Variants in MARCHF11 observed in about 807,000 individuals in gnomAD.
The protein encoded by MARCHF11 is E3 ubiquitin-protein ligase MARCHF11.
A neutral mutation model predicts 37.3 loss-of-function variants in MARCHF11; 29 were observed. That is an observed-to-expected ratio of 0.78 (90% CI 0.58 to 1.06). The LOEUF is 1.06. Ranked by LOEUF, MARCHF11 falls within the 50% of genes least tolerant of loss-of-function variation. The pLI is 0.00. For synonymous variants in MARCHF11, 233 were observed against 228.0 expected, an observed-to-expected ratio of 1.02 and a Z score of -0.20; for missense variants, 482 against 533.4, an observed-to-expected ratio of 0.90 and a Z score of 0.95.
At chr5:16,093,592 G>T (rs1736818829) in intron 2 of MARCHF11, among the ~76,000 whole-genome samples, 1 of 152,158 alleles carries the variant, frequency 6.6e-6, no homozygotes, top group Admixed American at 6.5e-5. Flanking sequence ...GACACATGAG[G>T]TGTGGCTGCT....
chr5:16,082,794 A>G (rs1228420682), intron 3 of MARCHF11, among the ~76,000 whole-genome samples: 2 of 152,188 alleles, frequency 1.3e-5, no homozygotes, highest in Non-Finnish European at 2.9e-5. Flanking sequence ...CACGTGCCCC[A>G]TGATTTATGC....
chr5:16,148,426 G>A (rs1016997917), intron 2 of MARCHF11, among the ~76,000 whole-genome samples: 1 of 152,026 alleles, frequency 6.6e-6, no homozygotes, highest in South Asian at 2.1e-4. Context: ...ACTAACATCT[G>A]GCAATCTTTC....
chr5:16,119,819 C>T (rs1037910435), intron 2 of MARCHF11, among the ~76,000 whole-genome samples: 2 of 152,190 alleles, frequency 1.3e-5, no homozygotes, highest in African/African-American at 4.8e-5. Flanking sequence ...TTTATTATTT[C>T]TATTTATAGT....
chr5:16,168,516 T>G (rs561987389), intron 2 of MARCHF11, among the ~76,000 whole-genome samples: 1 of 152,278 alleles, frequency 6.6e-6, no homozygotes, highest in African/African-American at 2.4e-5. Flanking sequence ...GAGACCACTG[T>G]GAAAGCAAAG....
intron 2 of MARCHF11, among the ~76,000 whole-genome samples, chr5:16,102,986 A>G (rs1579382740): frequency 6.6e-6 from 1 of 152,326 alleles, no homozygotes; most frequent in East Asian, 1.9e-4. Context: ...ATGTAAAAAT[A>G]CATATGGAAT....
At chr5:16,134,837 G>A (rs72738275) in intron 2 of MARCHF11, among the ~76,000 whole-genome samples, 24,709 of 151,970 alleles carry the variant, frequency 0.16, 2,193 homozygotes, top group East Asian at 0.3. Flanking sequence ...ATAATACAAA[G>A]AGAAAACTTG....
chr5:16,126,833 A>G (rs945195360), intron 2 of MARCHF11, among the ~76,000 whole-genome samples: 1 of 152,228 alleles, frequency 6.6e-6, no homozygotes, highest in African/African-American at 2.4e-5. Flanking sequence ...CGGTATTTTC[A>G]AAAGCTCTGC....
intron 3 of MARCHF11, among the ~76,000 whole-genome samples, chr5:16,078,221 T>G (rs891107345): frequency 6.6e-6 from 1 of 152,172 alleles, no homozygotes; most frequent in South Asian, 2.1e-4. Flanking sequence ...TCACCATCTG[T>G]TTGATCTTGG....
intron 2 of MARCHF11, among the ~76,000 whole-genome samples, chr5:16,154,901 G>A (rs1737943350): frequency 6.6e-6 from 1 of 151,888 alleles, no homozygotes; most frequent in Non-Finnish European, 1.5e-5. Flanking sequence ...GCTCATACCA[G>A]CACACTGTTG....
At chr5:16,138,571 C>T (rs965326897) in intron 2 of MARCHF11, among the ~76,000 whole-genome samples, 14 of 152,230 alleles carry the variant, frequency 9.2e-5, no homozygotes, top group Admixed American at 5.2e-4. Context: ...CTGGTGGAGC[C>T]GTGAGAAGAG....
At chr5:16,150,695 T>C (rs949508065) in intron 2 of MARCHF11, among the ~76,000 whole-genome samples, 7 of 152,042 alleles carry the variant, frequency 4.6e-5, no homozygotes, top group Non-Finnish European at 1.0e-4. Context: ...TCCACCTCTA[T>C]TCCCTATACC....
chr5:16,120,340 C>A (rs1737290825), intron 2 of MARCHF11, among the ~76,000 whole-genome samples: 1 of 152,182 alleles, frequency 6.6e-6, no homozygotes, highest in Non-Finnish European at 1.5e-5. Context: ...TTCTCACCCG[C>A]TTCATGGCTA....
At chr5:16,096,370 T>C (rs1736868396) in intron 2 of MARCHF11, among the ~76,000 whole-genome samples, 1 of 152,220 alleles carries the variant, frequency 6.6e-6, no homozygotes, top group Non-Finnish European at 1.5e-5. Flanking sequence ...TTAATTTTAA[T>C]GAAATTTTGG....
chr5:16,108,652 A>G (rs116581640), intron 2 of MARCHF11, among the ~76,000 whole-genome samples: 1 of 152,038 alleles, frequency 6.6e-6, no homozygotes, highest in African/African-American at 2.4e-5. Context: ...CAGGGGAGAG[A>G]GAGAGTAAAC....
chr5:16,141,215 T>A (rs1181048061), intron 2 of MARCHF11: 1 of 152,106 alleles, frequency 6.6e-6, no homozygotes, highest in African/African-American at 2.4e-5. Flanking sequence ...ATGACTGACA[T>A]CTGACGCATA....
intron 3 of MARCHF11, among the ~76,000 whole-genome samples, chr5:16,088,194 C>A (rs965938596): frequency 6.6e-6 from 1 of 152,184 alleles, no homozygotes; most frequent in Non-Finnish European, 1.5e-5. Context: ...CCTCTCCCTA[C>A]ACACAGCACC....
chr5:16,118,440 C>A (rs993059563), intron 2 of MARCHF11, among the ~76,000 whole-genome samples: 7 of 152,150 alleles, frequency 4.6e-5, no homozygotes, highest in African/African-American at 1.7e-4. Flanking sequence ...CAGATGGTGG[C>A]TTGCAAAGGC....
chr5:16,070,580 C>A (rs1177613652), intron 3 of MARCHF11, among the ~76,000 whole-genome samples: 1 of 152,134 alleles, frequency 6.6e-6, no homozygotes, highest in Non-Finnish European at 1.5e-5. Context: ...ATTTCCTTTG[C>A]AAGGCCAGAA....
intron 2 of MARCHF11, among the ~76,000 whole-genome samples, chr5:16,168,955 G>C (rs1738214677): frequency 6.6e-6 from 1 of 152,022 alleles, no homozygotes; most frequent in South Asian, 2.1e-4. Flanking sequence ...AGAGTTGGGG[G>C]AAAGAGAACA....
Sources: allele counts gnomAD v4.1 joint callset (sites outside exome capture counted in the v4.1 genomes callset), GRCh38; gene constraint gnomAD v4.1.1; transcripts MANE v1.5; gene names NCBI Gene and HGNC (gene_info 2026-07-23, HGNC 2026-07-21).